CNBD1: variants seen among roughly 807,000 people sequenced by gnomAD.
CNBD1 encodes cyclic nucleotide binding domain containing 1, also known as cyclic nucleotide-binding domain-containing protein 1.
A neutral mutation model predicts 54.4 loss-of-function variants in CNBD1; 71 were observed. That is an observed-to-expected ratio of 1.30 (90% CI 1.08 to 1.59). The LOEUF (loss-of-function observed/expected upper bound fraction) is 1.59, where lower values mean the gene tolerates loss of function less well. CNBD1 is among the 40% of genes most tolerant of loss of function. The pLI is 0.00. For missense variants in CNBD1, 659 were observed against 518.0 expected, an observed-to-expected ratio of 1.27 and a Z score of -2.64; for synonymous variants, 182 against 170.7, an observed-to-expected ratio of 1.07 and a Z score of -0.51.
intron 1 of CNBD1, among the ~76,000 whole-genome samples, chr8:86,880,653 T>C (rs1808593503): frequency 6.6e-6 from 1 of 152,180 alleles, no homozygotes; most frequent in Non-Finnish European, 1.5e-5. Context: ...TGACAGTCTT[T>C]ATAACACTTT....
intron 8 of CNBD1, among the ~76,000 whole-genome samples, chr8:87,325,818 T>G (rs1290135213): frequency 2.0e-5 from 3 of 149,344 alleles, no homozygotes; most frequent in Admixed American, 6.7e-5. Flanking sequence ...AAGTTTATAT[T>G]GTTATGTGTG....
At position 87,402,684 on chromosome 8, in the gene CNBD1, A is replaced by T. The variant is rs1308885739; in HGVS notation, c.214-25862A>T. ...GCTGGCCAGGGCCAAATCTCAGGGG[A>T]TTTTTTATGCCATGTTAAGGAGTTG... On this transcript the variant is annotated intron_variant, in intron 2 of 7. Coordinates refer to the CNBD1 transcript ENST00000521593. Among the ~76,000 whole-genome samples the T allele has an allele frequency of 7.2e-5, 11 of 152,136 alleles. No individual in the cohort carries two copies. The South Asian group carries it at 1.0e-3, about 14-fold the overall frequency.
At chr8:87,377,378 C>T (rs1810971101) in intron 10 of CNBD1, among the ~76,000 whole-genome samples, 1 of 150,932 alleles carries the variant, frequency 6.6e-6, no homozygotes. Context: ...GTTCAATTCC[C>T]ACCTATGAGT....
chr8:87,077,612 C>G (rs1440048843), intron 4 of CNBD1, among the ~76,000 whole-genome samples: 1 of 146,684 alleles, frequency 6.8e-6, no homozygotes, highest in African/African-American at 2.5e-5. Flanking sequence ...GTTCCCCACC[C>G]TGTGTCCAAG....
At chr8:87,042,766 CAT>C (rs1810099797) in intron 4 of CNBD1, among the ~76,000 whole-genome samples, 3 of 151,840 alleles carry the variant, frequency 2.0e-5, no homozygotes, top group Non-Finnish European at 1.5e-5. Context: ...ATACAATAAA[CAT>C]GTAAATATAT....
chr8:87,281,799 T>C (rs1585981189), intron 6 of CNBD1, among the ~76,000 whole-genome samples: 1 of 151,124 alleles, frequency 6.6e-6, no homozygotes, highest in Admixed American at 6.6e-5. Flanking sequence ...TAAATGAAAG[T>C]TATCTCCCTA....
At chr8:87,101,984 G>C (rs982645927) in intron 4 of CNBD1, among the ~76,000 whole-genome samples, 2 of 151,664 alleles carry the variant, frequency 1.3e-5, no homozygotes, top group Non-Finnish European at 2.9e-5. Context: ...CACCTCCCGG[G>C]TTCAAGTGAT....
intron 4 of CNBD1, among the ~76,000 whole-genome samples, chr8:86,985,538 A>T (rs1157810387): frequency 6.6e-6 from 1 of 152,224 alleles, no homozygotes; most frequent in East Asian, 1.9e-4. Flanking sequence ...CTCAAGCTGC[A>T]TCCATGTTGC....
At chr8:87,276,521 A>G (rs1808483515) in intron 6 of CNBD1, among the ~76,000 whole-genome samples, 1 of 151,872 alleles carries the variant, frequency 6.6e-6, no homozygotes. Flanking sequence ...CAGTCCAAAC[A>G]ACAGAAATGG....
intron 10 of CNBD1, among the ~76,000 whole-genome samples, chr8:87,375,998 T>G (rs1810922690): frequency 6.6e-6 from 1 of 151,910 alleles, no homozygotes; most frequent in Non-Finnish European, 1.5e-5. Flanking sequence ...TTTAATTATG[T>G]TGGTTGGCAA....
intron 2 of CNBD1, among the ~76,000 whole-genome samples, chr8:87,393,531 A>G (rs1466793666): frequency 2.0e-5 from 3 of 151,944 alleles, no homozygotes; most frequent in African/African-American, 7.2e-5. Flanking sequence ...TTGCAAAAGA[A>G]CTATAAACCA....
intron 8 of CNBD1, among the ~76,000 whole-genome samples, chr8:87,348,780 T>G (rs1810224141): frequency 6.6e-6 from 1 of 152,346 alleles, no homozygotes; most frequent in East Asian, 1.9e-4. Flanking sequence ...ATTATTCTTC[T>G]TATCGTAACT....
At chr8:87,372,843 T>C (rs1012909289) in intron 10 of CNBD1, among the ~76,000 whole-genome samples, 12 of 151,766 alleles carry the variant, frequency 7.9e-5, no homozygotes, top group African/African-American at 2.9e-4. Context: ...TTATAGATGG[T>C]ATAAGCCATG....
intron 4 of CNBD1, among the ~76,000 whole-genome samples, chr8:87,027,808 A>C: frequency 6.6e-6 from 1 of 152,254 alleles, no homozygotes; most frequent in East Asian, 1.9e-4. Flanking sequence ...AGTTTACCAA[A>C]TTCTAATTTC....
At chr8:87,248,102 A>G (rs1249889296) in intron 6 of CNBD1, among the ~76,000 whole-genome samples, 1 of 152,196 alleles carries the variant, frequency 6.6e-6, no homozygotes, top group African/African-American at 2.4e-5. Context: ...AATTGCCCAT[A>G]ACATATTCTC....
intron 4 of CNBD1, among the ~76,000 whole-genome samples, chr8:86,947,783 T>C (rs577902343): frequency 6.6e-6 from 1 of 152,256 alleles, no homozygotes; most frequent in Non-Finnish European, 1.5e-5. Context: ...TTATACTCTT[T>C]TAGTTATTTT....
At chr8:87,391,843 C>T (rs1563584449) in intron 2 of CNBD1, among the ~76,000 whole-genome samples, 1 of 151,992 alleles carries the variant, frequency 6.6e-6, no homozygotes, top group African/African-American at 2.4e-5. Flanking sequence ...GTAATTTGGC[C>T]TTCATAAAAA....
rs544660252 is a variant in CNBD1 at position 87,338,146 on chromosome 8, C to T, written c.1043-13539C>T. On this transcript the variant is annotated intron_variant, in intron 8 of 10. Transcript: ENST00000518476. ...AATTTCAAATAATACTATACCACTT[C>T]ACAGAAAGTGTGAGTACCTTTAAGT... Among the ~76,000 whole-genome samples the T allele has an allele frequency of 5.9e-5, 9 of 152,264 alleles. No individual in the cohort carries two copies. The South Asian group carries it at 1.9e-3, about 32-fold the overall frequency.
chr8:87,292,746 A>G (rs965281398), intron 8 of CNBD1, among the ~76,000 whole-genome samples: 2 of 152,120 alleles, frequency 1.3e-5, no homozygotes, highest in Non-Finnish European at 1.5e-5. Context: ...TCTGCCCAGT[A>G]TATATTTCTC....
Sources: allele counts gnomAD v4.1 joint callset (sites outside exome capture counted in the v4.1 genomes callset), GRCh38; gene constraint gnomAD v4.1.1; transcripts MANE v1.5; gene names NCBI Gene and HGNC (gene_info 2026-07-23, HGNC 2026-07-21).